MRPL1: variants seen among roughly 807,000 people sequenced by gnomAD.
MRPL1 encodes mitochondrial ribosomal protein L1.
In MRPL1, 28 loss-of-function variants were observed where a neutral mutation model predicts 38.0. The observed-to-expected ratio is 0.74, with a 90% CI of 0.55 to 1.01. The LOEUF (loss-of-function observed/expected upper bound fraction) is 1.01, where lower values mean the gene tolerates loss of function less well. Ranked by LOEUF, MRPL1 falls within the 50% of genes least tolerant of loss-of-function variation. MRPL1 has a pLI of 0.00. For missense variants in MRPL1, 358 were observed against 389.8 expected (o/e 0.92, Z 0.69); for synonymous variants, 123 against 126.7 (o/e 0.97, Z 0.20).
At chr4:77,907,213 A>G (rs1736176775) in intron 6 of MRPL1, 1 of 966,286 alleles carries the variant, frequency 1.0e-6, no homozygotes, top group South Asian at 4.8e-5. Flanking sequence ...TTTTCAAGGT[A>G]AGTTATGGTA....
chr4:77,939,563 CTTTG>C (rs1394006115), intron 7 of MRPL1, among the ~76,000 whole-genome samples: 5 of 152,064 alleles, frequency 3.3e-5, no homozygotes, highest in African/African-American at 1.2e-4. Flanking sequence ...ATCTATTTAT[CTTTG>C]TTTTTGTTGC....
intron 2 of MRPL1, among the ~76,000 whole-genome samples, chr4:77,873,991 A>C (rs1245562853): frequency 1.3e-5 from 2 of 149,002 alleles, no homozygotes; most frequent in African/African-American, 4.9e-5. Context: ...CCTGTTTTGC[A>C]TATTGCCTGC....
intron 7 of MRPL1, among the ~76,000 whole-genome samples, chr4:77,910,319 T>C (rs1048236284): frequency 5.3e-5 from 8 of 152,204 alleles, no homozygotes; most frequent in African/African-American, 1.7e-4. Flanking sequence ...ATAGCTATTA[T>C]TCTTTCTCTT....
At chr4:77,907,854 A>G (rs1736194643) in intron 6 of MRPL1, among the ~76,000 whole-genome samples, 1 of 150,314 alleles carries the variant, frequency 6.7e-6, no homozygotes, top group African/African-American at 2.5e-5. Flanking sequence ...ATGAGCCACC[A>G]TGCCCAGCCT....
chr4:77,934,333 T>G (rs1466498380), intron 7 of MRPL1, among the ~76,000 whole-genome samples: 1 of 152,182 alleles, frequency 6.6e-6, no homozygotes, highest in Non-Finnish European at 1.5e-5. Flanking sequence ...AGTACATAAA[T>G]AACTTTTACA....
At chr4:77,938,437 A>G (rs572064097) in intron 7 of MRPL1, among the ~76,000 whole-genome samples, 4 of 152,230 alleles carry the variant, frequency 2.6e-5, no homozygotes, top group Admixed American at 1.3e-4. Context: ...TTTGCAACCT[A>G]GTTTCAGATC....
intron 6 of MRPL1, among the ~76,000 whole-genome samples, chr4:77,902,782 A>C (rs901105946): frequency 6.6e-6 from 1 of 152,224 alleles, no homozygotes; most frequent in Non-Finnish European, 1.5e-5. Context: ...ATTCCTTGAA[A>C]GACAAATTAT....
chr4:77,891,165 T>A (rs543531574), intron 5 of MRPL1, among the ~76,000 whole-genome samples: 1 of 152,076 alleles, frequency 6.6e-6, no homozygotes, highest in East Asian at 1.9e-4. Context: ...AATTAAAAAA[T>A]TATTAAAACT....
chr4:77,887,224 C>T lies in MRPL1; in HGVS notation c.491C>T (p.Ala164Val), dbSNP rs779158117. 3 of 1,611,440 alleles carry T rather than the reference C, an allele frequency of 1.9e-6. No individual in the cohort carries two copies. Among genetic ancestry groups the T allele is most frequent in the Non-Finnish European group, 2.5e-6 (3 of 1,177,608 alleles). Reference sequence around the variant, plus strand: ...CAAATTATTGTGTTTTGGTAGAATGCATCAGAGGTCAAAATAGCGGAAGAA... The same window carrying T: ...CAAATTATTGTGTTTTGGTAGAATGTATCAGAGGTCAAAATAGCGGAAGAA... ...INKVAVFTEN[A>V]SEVKIAEENG... Residue 164 changes from alanine to valine, a missense_variant, in exon 5 of 9, where the codon GCA becomes GTA. Ala to Val is a moderately conservative substitution (Grantham distance 64, BLOSUM62 0). Coordinates refer to ENST00000315567, the MANE Select transcript of MRPL1 (RefSeq NM_020236.4).
intron 1 of MRPL1, among the ~76,000 whole-genome samples, chr4:77,867,497 A>G (rs911999739): frequency 1.3e-5 from 2 of 152,128 alleles, no homozygotes; most frequent in Non-Finnish European, 2.9e-5. Flanking sequence ...GATGCTTACC[A>G]TCTATTGAGG....
intron 2 of MRPL1, among the ~76,000 whole-genome samples, chr4:77,876,993 C>G (rs1735410461): frequency 6.6e-6 from 1 of 152,126 alleles, no homozygotes; most frequent in African/African-American, 2.4e-5. Context: ...TTCCGCTTCC[C>G]AGGTTCAAGT....
chr4:77,907,689 C>A (rs1199390625), intron 6 of MRPL1, among the ~76,000 whole-genome samples: 2 of 151,864 alleles, frequency 1.3e-5, no homozygotes, highest in Non-Finnish European at 1.5e-5. Flanking sequence ...CTCAACCTCC[C>A]AAGTAGCTGG....
chr4:77,905,709 C>T (rs898961874), intron 6 of MRPL1, among the ~76,000 whole-genome samples: 34 of 151,950 alleles, frequency 2.2e-4, no homozygotes, highest in African/African-American at 7.7e-4. Context: ...TTTCTAGTTC[C>T]TTTTTTCTAA....
intron 6 of MRPL1, among the ~76,000 whole-genome samples, chr4:77,898,086 TGTA>T (rs1204229147): frequency 6.6e-6 from 1 of 152,200 alleles, no homozygotes; most frequent in Non-Finnish European, 1.5e-5. Context: ...TGCATAGGTC[TGTA>T]GTAGTACTGT....
intron 1 of MRPL1, chr4:77,863,118 T>C (rs953047413): frequency 8.9e-6 from 5 of 561,132 alleles, no homozygotes; most frequent in East Asian, 3.0e-5. Context: ...TCGAGCGCCC[T>C]CCAGCCACCT....
At chr4:77,911,941 A>C (rs1736298602) in intron 7 of MRPL1, among the ~76,000 whole-genome samples, 1 of 152,184 alleles carries the variant, frequency 6.6e-6, no homozygotes. Context: ...TTTAACATTC[A>C]ACAATTAATC....
chr4:77,866,640 C>T (rs1435450443), intron 1 of MRPL1, among the ~76,000 whole-genome samples: 3 of 152,200 alleles, frequency 2.0e-5, no homozygotes, highest in Non-Finnish European at 2.9e-5. Flanking sequence ...GTTTCTTAAA[C>T]ACATTAAGAA....
At chr4:77,898,788 C>T (rs765029345) in intron 6 of MRPL1, among the ~76,000 whole-genome samples, 10 of 151,796 alleles carry the variant, frequency 6.6e-5, no homozygotes, top group Non-Finnish European at 1.3e-4. Context: ...GCCACCGCAC[C>T]CAGCTTGGAC....
intron 2 of MRPL1, among the ~76,000 whole-genome samples, chr4:77,881,690 C>T (rs927194603): frequency 6.6e-6 from 1 of 152,144 alleles, no homozygotes; most frequent in African/African-American, 2.4e-5. Context: ...GTCCTCCTGC[C>T]TTGGCCTCCC....
Sources: allele counts gnomAD v4.1 joint callset (sites outside exome capture counted in the v4.1 genomes callset), GRCh38; gene constraint gnomAD v4.1.1; transcripts MANE v1.5; gene names NCBI Gene and HGNC (gene_info 2026-07-23, HGNC 2026-07-21).